The following SYNE2 variants were observed in gnomAD, a reference collection of about 807,000 sequenced individuals.
The protein encoded by SYNE2 is nesprin-2.
A neutral mutation model predicts 856.3 loss-of-function variants in SYNE2; 431 were observed. The ratio of observed to expected loss-of-function variants is 0.50; its 90% confidence interval spans 0.47 to 0.55. The LOEUF is 0.55. Ranked by LOEUF, SYNE2 falls within the 20% of genes least tolerant of loss-of-function variation. SYNE2 has a pLI of 0.00. For missense variants in SYNE2, 8,129 were observed against 8,023.2 expected (o/e 1.01, Z -0.50); for synonymous variants, 2,923 against 2,872.3 (o/e 1.02, Z -0.56).
In SYNE2 at chr14:64,194,279, C is replaced by T. The variant is rs1258901661; in HGVS notation, c.18038+4042C>T. On this transcript the variant is annotated intron_variant, in intron 99 of 115. Coordinates refer to ENST00000555002, the MANE Select transcript of SYNE2 (RefSeq NM_182914.3). ...CTTTTTTTATCTGTGTCTATTAGCCCCTCTCCCTCCTCTTTTCTTCTTTTT... is the reference window on the plus strand; with the variant it reads ...CTTTTTTTATCTGTGTCTATTAGCCTCTCTCCCTCCTCTTTTCTTCTTTTT... Among the ~76,000 whole-genome samples, 4 of 132,628 alleles carry T rather than the reference C, an allele frequency of 3.0e-5. No homozygotes were observed. The South Asian group carries it at 6.9e-4, about 23-fold the overall frequency. 87.0% of individuals were successfully genotyped at this position (132,628 alleles called of 152,430 possible). A position where few individuals can be genotyped will look rare whatever the true frequency, so the allele number is the denominator to read the frequency against.
chr14:63,880,956 T>A (rs1333916293), intron 1 of SYNE2, among the ~76,000 whole-genome samples: 1 of 152,034 alleles, frequency 6.6e-6, no homozygotes, highest in Non-Finnish European at 1.5e-5. Flanking sequence ...AAGCAATTTG[T>A]TGTGCCTCAG....
At chr14:64,079,698 A>C (rs2097502804) in intron 55 of SYNE2, among the ~76,000 whole-genome samples, 1 of 152,128 alleles carries the variant, frequency 6.6e-6, no homozygotes, top group Admixed American at 6.5e-5. Flanking sequence ...AAGTCAGCAG[A>C]TAATTTTCTT....
chr14:63,909,997 T>C (rs976681124), intron 2 of SYNE2, among the ~76,000 whole-genome samples: 11 of 152,344 alleles, frequency 7.2e-5, no homozygotes, highest in Middle Eastern at 6.8e-3. Flanking sequence ...TTTGGCAATA[T>C]TTTTGTTGTA....
At chr14:64,120,350 A>C (rs2097888861) in intron 67 of SYNE2, among the ~76,000 whole-genome samples, 1 of 152,212 alleles carries the variant, frequency 6.6e-6, no homozygotes, top group Admixed American at 6.5e-5. Context: ...TTTGTTTTTA[A>C]GAAAAAAGGC....
In SYNE2 at chr14:64,126,420, A is replaced by C; in HGVS notation, c.13648A>C (p.Met4550Leu). 2 of 1,614,108 alleles carry C rather than the reference A, an allele frequency of 1.2e-6. No homozygotes were observed. Among genetic ancestry groups the C allele is most frequent in the Non-Finnish European group, 1.7e-6 (2 of 1,179,988 alleles). Residue 4550 changes from methionine (M) to leucine (L), a missense_variant, in exon 72 of 116, where the codon ATG becomes CTG. This residue lies in a region of SYNE2 where 5,410 missense variants were observed against 5,284.8 expected (regional missense o/e 1.02). Transcript: ENST00000555002. ...TCAGTGCCTCAGCAGTGTGGAGGAG[A>C]TGCTGGAGATGCCCAGACTTTACAG... ...LSQCLSSVEE[M>L]LEMPRLYRED...
chr14:63,853,648 G>A (rs971504248), intron 1 of SYNE2, among the ~76,000 whole-genome samples: 1 of 151,564 alleles, frequency 6.6e-6, no homozygotes, highest in Non-Finnish European at 1.5e-5. Flanking sequence ...TTGCAGGATC[G>A]TGAGCGGTGC....
intron 32 of SYNE2, among the ~76,000 whole-genome samples, chr14:64,012,571 CA>C (rs2096855211): frequency 6.6e-6 from 1 of 152,074 alleles, no homozygotes; most frequent in Non-Finnish European, 1.5e-5. Context: ...TACTCAACTG[CA>C]AAAGGTATTT....
chr14:63,894,934 G>A (rs918530722), intron 1 of SYNE2, among the ~76,000 whole-genome samples: 2 of 152,134 alleles, frequency 1.3e-5, no homozygotes, highest in African/African-American at 4.8e-5. Flanking sequence ...AGAAATGATA[G>A]TAGGTCACAA....
chr14:64,219,525 T>A, intron 110 of SYNE2, 115 bp downstream of exon 110: 1 of 986,844 alleles, frequency 1.0e-6, no homozygotes, highest in Non-Finnish European at 1.6e-6. Flanking sequence ...GCAGATGGTG[T>A]ATGTAGAGGT....
chr14:63,975,288 T>C (rs1337699149), intron 11 of SYNE2, among the ~76,000 whole-genome samples: 3 of 152,080 alleles, frequency 2.0e-5, no homozygotes, highest in Non-Finnish European at 4.4e-5. Context: ...AATGTGTTTC[T>C]TTTCGTTTTA....
intron 95 of SYNE2, among the ~76,000 whole-genome samples, chr14:64,176,986 C>T (rs901665092): frequency 6.6e-6 from 1 of 151,980 alleles, no homozygotes; most frequent in East Asian, 1.9e-4. Context: ...TTAGTGGAGA[C>T]GGAGTTTCGC....
rs1446693587 is a variant in SYNE2 at position 64,091,034 on chromosome 14, A to G, written c.11962A>G (p.Asn3988Asp). Residue 3988 changes from asparagine (N) to aspartate (D), a missense_variant, in exon 60 of 116, where the codon AAT (asparagine) becomes GAT (aspartate). Coordinates refer to ENST00000555002, the MANE Select transcript of SYNE2 (RefSeq NM_182914.3). ...KLLENVTQEQ[N>D]ELLKVVIKQT... The stretch of plus-strand genomic sequence containing the variant: ...ATTGGAAAATGTGACTCAAGAACAA[A>G]ATGAGTTATTAAAGGTAAGCAGTTT... The G allele has an allele frequency of 2.5e-6, 4 of 1,614,040 alleles. No individual in the cohort carries two copies. The highest frequency in any genetic ancestry group is 3.4e-6 in the Non-Finnish European group (4 of 1,179,904).
chr14:63,981,746 T>G (rs2096587198), intron 16 of SYNE2, among the ~76,000 whole-genome samples: 1 of 152,230 alleles, frequency 6.6e-6, no homozygotes, highest in African/African-American at 2.4e-5. Context: ...TTCTTTCATT[T>G]GTTTTTCTCT....
At chr14:64,224,340 G>T in intron 113 of SYNE2, 121 bp from the exon 114 acceptor site, 1 of 962,166 alleles carries the variant, frequency 1.0e-6, no homozygotes, top group South Asian at 1.3e-5. Context: ...GACACAGTGA[G>T]ACTGTCTAAA....
chr14:63,944,872 T>C (rs2095999695), intron 6 of SYNE2, among the ~76,000 whole-genome samples: 1 of 128,514 alleles, frequency 7.8e-6, no homozygotes. Context: ...TTGCTGAGGC[T>C]GGAGTGCAGT....
intron 6 of SYNE2, among the ~76,000 whole-genome samples, chr14:63,943,401 T>C (rs545746270): frequency 2.8e-4 from 43 of 152,308 alleles, no homozygotes; most frequent in African/African-American, 9.1e-4. Context: ...TCCATAATTA[T>C]TTTAAAAATA....
chr14:64,207,226 C>A (rs2098609550), intron 100 of SYNE2, among the ~76,000 whole-genome samples: 1 of 152,158 alleles, frequency 6.6e-6, no homozygotes, highest in African/African-American at 2.4e-5. Flanking sequence ...ATTTTATTTT[C>A]TTATATCAAC....
At chr14:64,222,508 C>T (rs2098699249) in intron 112 of SYNE2, among the ~76,000 whole-genome samples, 1 of 152,180 alleles carries the variant, frequency 6.6e-6, no homozygotes, top group Admixed American at 6.5e-5. Flanking sequence ...AGTTCAAGAC[C>T]AGTCTGGCCA....
In SYNE2 at chr14:64,056,096, A is replaced by G; in HGVS notation, c.9897A>G (p.Lys3299=). The change falls in exon 49 of 116, where the codon AAA becomes AAG. Residue 3299 remains lysine (K), a synonymous_variant. Transcript: ENST00000555002. Reference sequence around the variant, plus strand: ...AATCTTTAGAGATGCCTCTTCGAAAACAAGAGGAATTGGAATCCACAGTAG... The same window carrying G: ...AATCTTTAGAGATGCCTCTTCGAAAGCAAGAGGAATTGGAATCCACAGTAG... ...PEESLEMPLR[K]QEELESTVAH... The G allele has an allele frequency of 6.2e-7, 1 of 1,614,188 alleles. No individual in the cohort carries two copies. The highest frequency in any genetic ancestry group is 8.5e-7 in the Non-Finnish European group (1 of 1,180,016).
Sources: allele counts gnomAD v4.1 joint callset (sites outside exome capture counted in the v4.1 genomes callset), GRCh38; gene constraint gnomAD v4.1.1; regional missense constraint gnomAD v4.1.1; transcripts MANE v1.5; gene names NCBI Gene and HGNC (gene_info 2026-07-23, HGNC 2026-07-21).